DCDC1: variants seen among roughly 807,000 people sequenced by gnomAD.
The protein encoded by DCDC1 is doublecortin domain-containing protein 1.
Under a neutral mutation model 178.3 loss-of-function variants are expected in DCDC1, and 200 were observed. The ratio of observed to expected loss-of-function variants is 1.12; its 90% confidence interval spans 1.00 to 1.26. The LOEUF (loss-of-function observed/expected upper bound fraction) is 1.26. Ranked by LOEUF, DCDC1 falls within the 50% of genes most tolerant of loss-of-function variation. DCDC1 has a pLI of 0.00. For synonymous variants in DCDC1, 690 were observed against 604.8 expected, an observed-to-expected ratio of 1.14 and a Z score of -2.07; for missense variants, 1,983 against 1,749.2, an observed-to-expected ratio of 1.13 and a Z score of -2.38.
chr11:31,023,594 TTAAAA>T (rs1341585274), intron 20 of DCDC1, among the ~76,000 whole-genome samples: 2 of 152,098 alleles, frequency 1.3e-5, no homozygotes, highest in African/African-American at 4.8e-5. Flanking sequence ...ATTACATACT[TTAAAA>T]TAATAAATAA....
At chr11:31,231,460 C>T (rs1333265623) in intron 9 of DCDC1, among the ~76,000 whole-genome samples, 1 of 152,050 alleles carries the variant, frequency 6.6e-6, no homozygotes, top group Non-Finnish European at 1.5e-5. Flanking sequence ...GTGTGCTTTG[C>T]CTTTTTAAAG....
chr11:31,281,666 A>G (rs1946443983), intron 7 of DCDC1, among the ~76,000 whole-genome samples: 1 of 152,104 alleles, frequency 6.6e-6, no homozygotes, highest in African/African-American at 2.4e-5. Context: ...AGTGGGAGAT[A>G]ATTGAATCAT....
chr11:31,034,597 A>G (rs1408718885), intron 20 of DCDC1, among the ~76,000 whole-genome samples: 1 of 152,222 alleles, frequency 6.6e-6, no homozygotes, highest in Non-Finnish European at 1.5e-5. Context: ...TACAGGATTC[A>G]GTATATTAAC....
rs1263487496 is a variant in DCDC1, at chr11:31,307,581, G to A, written c.434+58C>T. 2.3e-5 allele frequency: 36 copies of A among 1,584,720 alleles called. 1 individual carries two copies. The East Asian group carries it at 6.9e-4, about 31-fold the overall frequency. On this transcript the variant is annotated intron_variant, in intron 4 of 38. Coordinates refer to ENST00000684477, the MANE Select transcript of DCDC1 (RefSeq NM_001387274.1). ...AGTCAATTGAAACATTATAAACTCTGCTCAAAGGAAAGAACTTCAACAATA... is the reference window on the plus strand; with the variant it reads ...AGTCAATTGAAACATTATAAACTCTACTCAAAGGAAAGAACTTCAACAATA...
At chr11:31,357,550 C>G (rs1247098059) in intron 1 of DCDC1, among the ~76,000 whole-genome samples, 3 of 152,182 alleles carry the variant, frequency 2.0e-5, no homozygotes, top group African/African-American at 7.2e-5. Context: ...CCCTCTCTCA[C>G]CACTCCTATT....
intron 7 of DCDC1, among the ~76,000 whole-genome samples, chr11:31,289,934 G>A (rs1025238996): frequency 6.6e-6 from 1 of 151,902 alleles, no homozygotes; most frequent in African/African-American, 2.4e-5. Flanking sequence ...TAACACATTT[G>A]TTACTATATT....
At chr11:31,209,718 A>G (rs1972273731) in intron 9 of DCDC1, among the ~76,000 whole-genome samples, 1 of 152,216 alleles carries the variant, frequency 6.6e-6, no homozygotes. Flanking sequence ...AAGAAATTTA[A>G]GGCAGAGAAT....
intron 20 of DCDC1, chr11:30,992,463 C>G (rs1193859678): frequency 1.3e-5 from 2 of 152,192 alleles, no homozygotes; most frequent in African/African-American, 4.8e-5. Context: ...ACCAACCTGA[C>G]TTTTCATATT....
intron 20 of DCDC1, among the ~76,000 whole-genome samples, chr11:31,034,861 G>C (rs1293196150): frequency 6.6e-6 from 1 of 152,134 alleles, no homozygotes; most frequent in Non-Finnish European, 1.5e-5. Flanking sequence ...AAGTCACCTT[G>C]TCTCACTTTC....
intron 1 of DCDC1, among the ~76,000 whole-genome samples, chr11:31,341,692 C>T (rs1384079043): frequency 6.6e-6 from 1 of 152,128 alleles, no homozygotes; most frequent in Non-Finnish European, 1.5e-5. Context: ...TGCACTACAA[C>T]ATTACAACAG....
intron 20 of DCDC1, among the ~76,000 whole-genome samples, chr11:30,985,883 C>A (rs1382948607): frequency 6.6e-6 from 1 of 152,096 alleles, no homozygotes; most frequent in Non-Finnish European, 1.5e-5. Flanking sequence ...AATAGTAAGA[C>A]ACTTTATGAA....
intron 22 of DCDC1, among the ~76,000 whole-genome samples, chr11:30,927,191 C>A (rs1036078373): frequency 2.0e-5 from 3 of 152,056 alleles, no homozygotes; most frequent in African/African-American, 7.2e-5. Flanking sequence ...TTACAATGTT[C>A]TCTCTCTTTC....
intron 10 of DCDC1, among the ~76,000 whole-genome samples, chr11:31,132,486 T>G (rs559941536): frequency 6.6e-6 from 1 of 152,342 alleles, no homozygotes; most frequent in South Asian, 2.1e-4. Context: ...TTCTTTAAAA[T>G]TCTTCAACGT....
intron 9 of DCDC1, among the ~76,000 whole-genome samples, chr11:31,163,611 A>G (rs1485321347): frequency 6.6e-6 from 1 of 152,134 alleles, no homozygotes; most frequent in Non-Finnish European, 1.5e-5. Context: ...TGTTAAAATA[A>G]GCTAAAAGAG....
intron 25 of DCDC1, 133 bp downstream of exon 25, chr11:30,920,643 A>T: frequency 3.0e-6 from 3 of 1,012,390 alleles, no homozygotes; most frequent in Non-Finnish European, 4.2e-6. Context: ...CTAATTAAAT[A>T]CTAGCTCTTC....
intron 11 of DCDC1, among the ~76,000 whole-genome samples, chr11:31,119,790 T>C (rs1465338864): frequency 6.6e-6 from 1 of 152,182 alleles, no homozygotes; most frequent in Non-Finnish European, 1.5e-5. Context: ...AGTCACATGT[T>C]TTCTGTTACC....
rs1335715156 is a variant in DCDC1 at position 31,057,733 on chromosome 11, T to C, written c.2591+6736A>G. ...GGGTCTATCAAGTACATGGAGATCC[T>C]GAGACTTAAGCATAGTGGGTCTGAC... On this transcript the variant is annotated intron_variant, in intron 20 of 38. Transcript: ENST00000684477. Among the ~76,000 whole-genome samples, 4 of 152,150 alleles carry C rather than the reference T, an allele frequency of 2.6e-5. No homozygotes were observed. The East Asian group carries it at 7.7e-4, about 29-fold the overall frequency.
intron 21 of DCDC1, among the ~76,000 whole-genome samples, chr11:30,941,010 G>C (rs1019352797): frequency 1.3e-5 from 2 of 151,984 alleles, no homozygotes; most frequent in African/African-American, 2.4e-5. Flanking sequence ...AAACATCTTT[G>C]TAAATTTCTA....
intron 7 of DCDC1, among the ~76,000 whole-genome samples, chr11:31,286,791 G>C (rs1946870215): frequency 6.6e-6 from 1 of 152,054 alleles, no homozygotes; most frequent in Non-Finnish European, 1.5e-5. Flanking sequence ...ACATCAACCA[G>C]TCAGGCAACT....
Sources: gnomAD v4.1 joint callset for allele counts (sites outside exome capture counted in the v4.1 genomes callset) on GRCh38, gnomAD v4.1.1 for gene constraint, MANE v1.5 for transcripts, NCBI Gene and HGNC (gene_info 2026-07-23, HGNC 2026-07-21) for gene names.